Variants in GATC observed in about 807,000 individuals in gnomAD.
GATC encodes glutamyl-tRNA amidotransferase subunit C, also known as glutamyl-tRNA(Gln) amidotransferase subunit C, mitochondrial.
A neutral mutation model predicts 14.4 loss-of-function variants in GATC; 11 were observed. The ratio of observed to expected loss-of-function variants is 0.77; its 90% CI spans 0.48 to 1.27. The LOEUF is 1.27. GATC is among the 50% of genes most tolerant of loss of function. GATC has a pLI of 0.00. For missense variants in GATC, 204 were observed against 183.0 expected, an observed-to-expected ratio of 1.11 and a Z score of -0.66; for synonymous variants, 76 against 79.3, an observed-to-expected ratio of 0.96 and a Z score of 0.22.
intron 2 of GATC, among the ~76,000 whole-genome samples, chr12:120,451,427 G>A (rs986021025): frequency 1.3e-5 from 2 of 151,998 alleles, no homozygotes; most frequent in African/African-American, 2.4e-5. Context: ...CTGGGCGACA[G>A]AGTGAGACTC....
At chr12:120,459,814 G>A (rs1005423437) in intron 3 of GATC, 93 bp from the exon 4 acceptor site, 18 of 848,466 alleles carry the variant, frequency 2.1e-5, no homozygotes, top group South Asian at 5.9e-5. Flanking sequence ...CTGAGATTGC[G>A]CCACTGCACT....
At chr12:120,449,303 TG>T (rs895048904) in intron 2 of GATC, among the ~76,000 whole-genome samples, 2 of 152,148 alleles carry the variant, frequency 1.3e-5, no homozygotes, top group African/African-American at 4.8e-5. Context: ...CCAAAAGGGC[TG>T]ATTTATACAT....
At chr12:120,452,971 T>C (rs1337908188) in intron 2 of GATC, among the ~76,000 whole-genome samples, 1 of 152,164 alleles carries the variant, frequency 6.6e-6, no homozygotes, top group African/African-American at 2.4e-5. Context: ...GTTGGGAATA[T>C]AGATGTGAGC....
chr12:120,450,473 G>T (rs2137039309), intron 2 of GATC: 1 of 152,438 alleles, frequency 6.6e-6, no homozygotes, highest in African/African-American at 2.4e-5. Context: ...ATTTGTGAAA[G>T]TGGTAACAAG....
chr12:120,454,501 A>C (rs2137042240), intron 2 of GATC, among the ~76,000 whole-genome samples: 1 of 151,948 alleles, frequency 6.6e-6, no homozygotes, highest in East Asian at 1.9e-4. Flanking sequence ...GCTCACTGCA[A>C]GCTCCACCTC....
chr12:120,450,078 A>G (rs1324786281), intron 2 of GATC, among the ~76,000 whole-genome samples: 2 of 152,152 alleles, frequency 1.3e-5, no homozygotes, highest in Non-Finnish European at 2.9e-5. Flanking sequence ...TTCTTTATTA[A>G]TATCTCTAGG....
rs1878406341 is a variant in GATC, at chr12:120,463,380, C to CAATA, written c.*3422_*3425dup. On this transcript the variant is annotated 3_prime_UTR_variant, in exon 4 of 4. Transcript: ENST00000551765. ...CCCAGGAGTTCAAGGTCAGCCTCGG[C>CAATA]AATATAATGAGACTGTCTCTAAAAT... 1 of 89,744 alleles carries CAATA rather than the reference C, an allele frequency of 1.1e-5. No homozygotes were observed. The highest frequency in any genetic ancestry group is 7.0e-5 in the African/African-American group (1 of 14,352). 5.6% of individuals were successfully genotyped at this position (89,744 alleles called of 1,614,324 possible).
chr12:120,458,817 G>A (rs1260736816), intron 3 of GATC, among the ~76,000 whole-genome samples: 1 of 152,204 alleles, frequency 6.6e-6, no homozygotes, highest in Non-Finnish European at 1.5e-5. Flanking sequence ...GGCAGGCTCT[G>A]GTTGATGCAA....
intron 2 of GATC, among the ~76,000 whole-genome samples, chr12:120,451,468 G>T (rs956870503): frequency 6.7e-6 from 1 of 148,600 alleles, no homozygotes; most frequent in Non-Finnish European, 1.5e-5. Context: ...AAGGCTGGGC[G>T]TGGTGTTTCA....
Position 120,462,368 on chromosome 12 carries a change from C to G in GATC, c.*2409C>G, listed in dbSNP as rs1878370313. ...ATTTCAAGAATGAAGAAAATTAAGA[C>G]TTAAGTTATATCATTTGCCCAAGGT... On this transcript the variant is annotated 3_prime_UTR_variant, in exon 4 of 4. Transcript: ENST00000551765. 2.1e-6 allele frequency: 1 copy of G among 478,266 alleles called. No homozygotes were observed. The highest frequency in any genetic ancestry group is 3.6e-6 in the Non-Finnish European group (1 of 278,756). 29.6% of individuals were successfully genotyped at this position (478,266 alleles called of 1,614,324 possible).
In GATC at chr12:120,460,045, C is replaced by G; in HGVS notation, c.*86C>G. 2 of 985,826 alleles carry G rather than the reference C, an allele frequency of 2.0e-6. No individual in the cohort carries two copies. Among genetic ancestry groups the G allele is most frequent in the Non-Finnish European group, 3.1e-6 (2 of 636,870 alleles). The allele number at this position is 985,826 out of a possible 1,614,324, so 61.1% of individuals were successfully genotyped here. On this transcript the variant is annotated 3_prime_UTR_variant, in exon 4 of 4. Transcript: ENST00000551765. ...TTTACTGTGAATACTAATGTTCCTG[C>G]TTTTTTCAGTCCCCTGAAAAAATGG...
At chr12:120,457,220 T>A in intron 3 of GATC, 41 bp downstream of exon 3, 1 of 1,398,658 alleles carries the variant, frequency 7.1e-7, no homozygotes, top group Non-Finnish European at 1.0e-6. Flanking sequence ...AGTCTCACAG[T>A]AACCTTAGGA....
Position 120,462,751 on chromosome 12 carries a change from T to G in GATC, c.*2792T>G, listed in dbSNP as rs10744752. On this transcript the variant is annotated 3_prime_UTR_variant, in exon 4 of 4. Coordinates refer to ENST00000551765, the MANE Select transcript of GATC (RefSeq NM_176818.3). The stretch of plus-strand genomic sequence containing the variant: ...AAGGAATTAATAAGCAGCAGAGGAG[T>G]CATGTCCAGGCTGGCTTGTCCCCAG... 43,922 of 151,946 alleles carry G rather than the reference T, an allele frequency of 0.29. 6,683 individuals are homozygous for G. The highest frequency in any genetic ancestry group is 0.5 in the East Asian group (2,572 of 5,162). 9.4% of individuals were successfully genotyped at this position (151,946 alleles called of 1,614,324 possible). A position where few individuals can be genotyped will look rare whatever the true frequency, so the allele number is the denominator to read the frequency against.
chr12:120,446,924 A>G, intron 2 of GATC, 95 bp downstream of exon 2: 1 of 1,252,096 alleles, frequency 8.0e-7, no homozygotes, highest in East Asian at 2.5e-5. Context: ...GGGGTTAAAG[A>G]GTGTTAGCAA....
chr12:120,448,986 A>G (rs1437561900), intron 2 of GATC, among the ~76,000 whole-genome samples: 5 of 148,652 alleles, frequency 3.4e-5, no homozygotes, highest in African/African-American at 1.0e-4. Flanking sequence ...AATTGAGACA[A>G]GAGTCTCGCT....
rs1369180965 is a variant in GATC, at chr12:120,463,161, A to AGG, written c.*3204_*3205dup. The AGG allele has an allele frequency of 6.6e-6, 1 of 152,198 alleles. No homozygotes were observed. Among genetic ancestry groups the AGG allele is most frequent in the Non-Finnish European group, 1.5e-5 (1 of 68,044 alleles). 9.4% of individuals were successfully genotyped at this position (152,198 alleles called of 1,614,324 possible). Reference sequence around the variant, plus strand: ...TGGTTTCTGGTCTCAATGGTACCAAAGGGATAGTCACCACCTCAATCAAAC... The same window carrying AGG: ...TGGTTTCTGGTCTCAATGGTACCAAAGGGGGATAGTCACCACCTCAATCAAAC... On this transcript the variant is annotated 3_prime_UTR_variant, in exon 4 of 4. Transcript: ENST00000551765.
In GATC at chr12:120,462,259, G is replaced by T; in HGVS notation, c.*2300G>T. 1 of 1,336,796 alleles carries T rather than the reference G, an allele frequency of 7.5e-7. No homozygotes were observed. The highest frequency in any genetic ancestry group is 1.0e-6 in the Non-Finnish European group (1 of 975,556). 82.8% of individuals were successfully genotyped at this position (1,336,796 alleles called of 1,614,324 possible). A position where few individuals can be genotyped will look rare whatever the true frequency, so the allele number is the denominator to read the frequency against. ...TCTAACAATAATAGTTAAGTATTGA[G>T]CACTTACTGTGTACTCTGTGCCTGG... On this transcript the variant is annotated 3_prime_UTR_variant, in exon 4 of 4. Transcript: ENST00000551765.
At chr12:120,459,729 G>A (rs1346375981) in intron 3 of GATC, among the ~76,000 whole-genome samples, 178 bp from the exon 4 acceptor site, 6 of 152,164 alleles carry the variant, frequency 3.9e-5, no homozygotes, top group South Asian at 2.1e-4. Flanking sequence ...GGTGGCGGGC[G>A]CCTGTAGTCC....
intron 2 of GATC, among the ~76,000 whole-genome samples, chr12:120,452,675 T>C (rs1438354084): frequency 6.6e-6 from 1 of 152,114 alleles, no homozygotes; most frequent in East Asian, 1.9e-4. Context: ...GTGCTGGCAT[T>C]ATAGGCATGA....
Sources: allele counts gnomAD v4.1 joint callset (sites outside exome capture counted in the v4.1 genomes callset), GRCh38; gene constraint gnomAD v4.1.1; transcripts MANE v1.5; gene names NCBI Gene and HGNC (gene_info 2026-07-23, HGNC 2026-07-21).